CDK16: variants seen among roughly 807,000 people sequenced by gnomAD.
CDK16 encodes the protein cyclin dependent kinase 16.
In CDK16, 2 loss-of-function variants were observed where a neutral mutation model predicts 41.6. The observed-to-expected ratio is 0.05, with a 90% CI of 0.02 to 0.15. The LOEUF (loss-of-function observed/expected upper bound fraction) is 0.15. Ranked by LOEUF, CDK16 falls within the 10% of genes least tolerant of loss-of-function variation. The probability of loss-of-function intolerance (pLI) is 1.00; values close to 1 mark genes in which losing one functional copy is unlikely to be tolerated. For synonymous variants in CDK16, 169 were observed against 169.7 expected, an observed-to-expected ratio of 1.00 and a Z score of 0.03; for missense variants, 228 against 428.9, an observed-to-expected ratio of 0.53 and a Z score of 4.14.
At position 47,229,262 on chromosome X, in the gene CDK16, T is replaced by C. The variant is rs1168854994; in HGVS notation, c.*494T>C. ...GCCTTTTTTTGTTTGTTTCATTCAT[T>C]GTTTTTTTTTTTTTAATTATTTTAA... On this transcript the variant is annotated 3_prime_UTR_variant, in exon 16 of 16. Transcript: ENST00000357227. 4.7e-6 allele frequency: 1 copy of C among 210,685 alleles called. No individual in the cohort carries two copies. The highest frequency in any genetic ancestry group is 8.7e-6 in the Non-Finnish European group (1 of 115,274). The allele number at this position is 210,685 out of a possible 1,213,427, so 17.4% of individuals were successfully genotyped here. A position where few individuals can be genotyped will look rare whatever the true frequency, so the allele number is the denominator to read the frequency against.
At chrX:47,222,653 G>C (rs1937380258) in intron 1 of CDK16, among the ~76,000 whole-genome samples, 1 of 101,980 alleles carries the variant, frequency 9.8e-6, no homozygotes, top group Admixed American at 1.0e-4. Flanking sequence ...ATGATGGCGG[G>C]GGGGTGTGGG....
chrX:47,227,091 C>T lies in CDK16; in HGVS notation c.1233C>T (p.His411=), dbSNP rs142742095. Reference sequence around the variant, plus strand: ...ACCGAGCCGAGGCCCTTTTGAGCCACGCACCCCGGTGAGGCTGGTGGGTGG... The same window carrying T: ...ACCGAGCCGAGGCCCTTTTGAGCCATGCACCCCGGTGAGGCTGGTGGGTGG... The part of the protein sequence containing the change: ...PKYRAEALLS[H]APRLDSDGAD... Residue 411 remains histidine, a synonymous_variant, in exon 12 of 16, where the codon CAC becomes CAT. Transcript: ENST00000357227. 23 of 1,209,338 alleles carry T rather than the reference C, an allele frequency of 1.9e-5. 1 individual carries two copies. Among genetic ancestry groups the T allele is most frequent in the African/African-American group, 1.4e-4 (8 of 57,185 alleles).
chrX:47,228,823 A>G lies in CDK16; in HGVS notation c.*55A>G, dbSNP rs2055286572. On this transcript the variant is annotated 3_prime_UTR_variant, in exon 16 of 16. Transcript: ENST00000357227. ...GCTGGAGGGATGCCACACCCCTCAC[A>G]GGGCAGCCCCCAACTACATCTTCCC... 6 of 1,106,900 alleles carry G rather than the reference A, an allele frequency of 5.4e-6. No individual in the cohort carries two copies. The highest frequency in any genetic ancestry group is 2.5e-6 in the Non-Finnish European group (2 of 806,777). The allele number at this position is 1,106,900 out of a possible 1,213,427, so 91.2% of individuals were successfully genotyped here. A position where few individuals can be genotyped will look rare whatever the true frequency, so the allele number is the denominator to read the frequency against.
rs773068044 is a variant in CDK16, at chrX:47,224,292, CAT to C, written c.203-92_203-91del. ...GTTTCCTGTGGGGGCCACGTGCACACATGTGTGATGATGGAATATGTTTCGTG... is the reference window on the plus strand; with the variant it reads ...GTTTCCTGTGGGGGCCACGTGCACACGTGTGATGATGGAATATGTTTCGTG... On this transcript the variant is annotated intron_variant, in intron 2 of 15. Coordinates refer to ENST00000357227, the MANE Select transcript of CDK16 (RefSeq NM_006201.5). The C allele has an allele frequency of 3.9e-4, 387 of 994,794 alleles. No homozygotes were observed. The Middle Eastern group carries it at 9.1e-3, about 23-fold the overall frequency. The allele number at this position is 994,794 out of a possible 1,213,427, so 82.0% of individuals were successfully genotyped here. A position where few individuals can be genotyped will look rare whatever the true frequency, so the allele number is the denominator to read the frequency against.
Position 47,218,720 on chromosome X carries a change from A to AGCGCGGC in CDK16, c.-386_-380dup. ...CGAGCGCCTGCGTGCGCATGCGCGG[A>AGCGCGGC]GCGCGGCGCGCGCGGCGGTTGGGCC... On this transcript the variant is annotated 5_prime_UTR_variant, in exon 1 of 16. It introduces an in-frame stop codon into an upstream open reading frame of the 5' UTR. Transcript: ENST00000357227. 1 of 1,161,500 alleles carries AGCGCGGC rather than the reference A, an allele frequency of 8.6e-7. No individual in the cohort carries two copies. Among genetic ancestry groups the AGCGCGGC allele is most frequent in the African/African-American group, 1.8e-5 (1 of 55,815 alleles).
In CDK16 at chrX:47,226,980, C is replaced by T; in HGVS notation, c.1136-14C>T. 1 of 1,209,097 alleles carries T rather than the reference C, an allele frequency of 8.3e-7. No homozygotes were observed. Among genetic ancestry groups the T allele is most frequent in the Middle Eastern group, 2.3e-4 (1 of 4,346 alleles). ...ACCTGTGAAATGTTTGGGATAACTCCTCTTCCCTACTAGGAACCCCAACTG... is the reference window on the plus strand; with the variant it reads ...ACCTGTGAAATGTTTGGGATAACTCTTCTTCCCTACTAGGAACCCCAACTG... On this transcript the variant is annotated splice_polypyrimidine_tract_variant and intron_variant, in intron 11 of 15. Transcript: ENST00000357227.
At chrX:47,228,665 TCCTC>T in intron 15 of CDK16, 21 bp downstream of exon 15, 1 of 1,207,237 alleles carries the variant, frequency 8.3e-7, no homozygotes, top group Non-Finnish European at 1.1e-6. Flanking sequence ...CCCCTTGTCT[TCCTC>T]CCTGCCCCAC....
chrX:47,223,030 G>C (rs1385079693), intron 1 of CDK16: 1 of 1,136,368 alleles, frequency 8.8e-7, no homozygotes, highest in Non-Finnish European at 1.2e-6. Flanking sequence ...GAGAAGTCAG[G>C]AAGAGGGTCC....
At chrX:47,225,346 G>A (rs190868935) in intron 6 of CDK16, among the ~76,000 whole-genome samples, 90 of 112,257 alleles carry the variant, frequency 8.0e-4, no homozygotes, top group African/African-American at 2.9e-3. Context: ...GTGCTCACCA[G>A]TTTATTTACT....
intron 9 of CDK16, 33 bp from the exon 10 acceptor site, chrX:47,226,550 C>T (rs1274697652): frequency 2.3e-5 from 28 of 1,204,105 alleles, no homozygotes; most frequent in Non-Finnish European, 3.0e-5. Context: ...CCCATGACTC[C>T]CTCATTCTAG....
At position 47,223,014 on chromosome X, in the gene CDK16, G is replaced by C. The variant is rs902150536; in HGVS notation, c.-6-538G>C. On this transcript the variant is annotated intron_variant, in intron 1 of 15. Transcript: ENST00000357227. ...GATGCAGTGGTTGTCATGACGATGA[G>C]TGCTAGAGAAGTCAGGAAGAGGGTC... The C allele has an allele frequency of 3.4e-4, 374 of 1,109,529 alleles. 1 individual carries two copies. The highest frequency in any genetic ancestry group is 4.2e-4 in the Non-Finnish European group (359 of 845,605). The allele number at this position is 1,109,529 out of a possible 1,213,427, so 91.4% of individuals were successfully genotyped here. A position where few individuals can be genotyped will look rare whatever the true frequency, so the allele number is the denominator to read the frequency against.
At chrX:47,225,451 T>C (rs1047618655) in intron 6 of CDK16, among the ~76,000 whole-genome samples, 7 of 112,201 alleles carry the variant, frequency 6.2e-5, no homozygotes, top group African/African-American at 2.3e-4. Flanking sequence ...TGCAGGCCTA[T>C]GTACTGAGGG....
Position 47,225,059 on chromosome X carries a change from A to G in CDK16, c.591A>G (p.Arg197=), listed in dbSNP as rs1463186302. 8.3e-7 allele frequency: 1 copy of G among 1,207,449 alleles called. No homozygotes were observed. Among genetic ancestry groups the G allele is most frequent in the Admixed American group, 2.2e-5 (1 of 45,749 alleles). ...TDNLVALKEI[R]LEHEEGAPCT... ...ACCTTGTGGCACTCAAGGAGATCAG[A>G]CTGGAACATGAAGAGGGGGCACCCT... The change falls in exon 6 of 16, where the codon AGA becomes AGG. Residue 197 remains arginine, a synonymous_variant. Transcript: ENST00000357227.
At chrX:47,227,923 G>C (rs534956510) in intron 14 of CDK16, 1 of 120,015 alleles carries the variant, frequency 8.3e-6, no homozygotes, top group East Asian at 2.6e-4. Flanking sequence ...TAACAGCAAG[G>C]ATAAGTTTTT....
At position 47,223,377 on chromosome X, in the gene CDK16, T is replaced by A. The variant is rs141318341; in HGVS notation, c.-6-175T>A. 2,131 of 1,072,008 alleles carry A rather than the reference T, an allele frequency of 2.0e-3. 28 individuals carry two copies. The African/African-American group carries it at 0.035, about 17-fold the overall frequency. The allele number at this position is 1,072,008 out of a possible 1,213,427, so 88.3% of individuals were successfully genotyped here. On this transcript the variant is annotated intron_variant, in intron 1 of 15. Coordinates refer to ENST00000357227, the MANE Select transcript of CDK16 (RefSeq NM_006201.5). Reference sequence around the variant, plus strand: ...GTGGGTGGGCAGGTACTGACAAAGATCCCCATCCATGCTGGGTTTCCAGAA... The same window carrying A: ...GTGGGTGGGCAGGTACTGACAAAGAACCCCATCCATGCTGGGTTTCCAGAA...
intron 14 of CDK16, 32 bp downstream of exon 14, chrX:47,227,501 G>A (rs987329400): frequency 8.3e-6 from 9 of 1,090,647 alleles, no homozygotes; most frequent in Non-Finnish European, 1.1e-5. Context: ...ACCGGCCAGC[G>A]TGGGGACTGG....
intron 1 of CDK16, among the ~76,000 whole-genome samples, chrX:47,219,396 T>G (rs1937233997): frequency 9.7e-6 from 1 of 103,378 alleles, no homozygotes; most frequent in African/African-American, 3.6e-5. Context: ...TTGGGGGGGT[T>G]GCTGATGGGG....
rs1395013703 is a variant in CDK16 at position 47,225,945 on chromosome X, A to G, written c.730-20A>G. On this transcript the variant is annotated intron_variant, in intron 7 of 15. Transcript: ENST00000357227. ...CATAGGAAGTAACCCTCATTCCTGT[A>G]CCACCTCTTCTTTCCTCAGGACAAG... 1.7e-6 allele frequency: 2 copies of G among 1,201,835 alleles called. No individual in the cohort carries two copies. The highest frequency in any genetic ancestry group is 1.8e-5 in the African/African-American group (1 of 56,954).
chrX:47,226,902 T>C lies in CDK16; in HGVS notation c.1128T>C (p.Arg376=), dbSNP rs1476471486. ...TVEEQLHFIF[R]ILGTPTEETW... ...AGGAACAGCTACACTTCATCTTCCG[T>C]ATCTTAGGTGAGGAGGCATGGGCCC... Residue 376 remains arginine, a synonymous_variant, in exon 11 of 16, where the codon CGT becomes CGC. Transcript: ENST00000357227. 1 of 1,208,847 alleles carries C rather than the reference T, an allele frequency of 8.3e-7. No homozygotes were observed.
Sources: allele counts gnomAD v4.1 joint callset (sites outside exome capture counted in the v4.1 genomes callset), GRCh38; gene constraint gnomAD v4.1.1; transcripts MANE v1.5; gene names NCBI Gene and HGNC (gene_info 2026-07-23, HGNC 2026-07-21).